DLGAP2: variants seen among roughly 807,000 people sequenced by gnomAD.
DLGAP2 encodes DLG associated protein 2, also known as disks large-associated protein 2.
In DLGAP2, 26 loss-of-function variants were observed where a neutral mutation model predicts 100.3. That is an observed-to-expected ratio of 0.26 (90% CI 0.19 to 0.36). The LOEUF (loss-of-function observed/expected upper bound fraction) is 0.36. Among genes scored for constraint, DLGAP2 ranks in the 10% least tolerant of loss-of-function variants. The probability of loss-of-function intolerance (pLI) is 1.00; values close to 1 mark genes in which losing one functional copy is unlikely to be tolerated. For synonymous variants in DLGAP2, 886 were observed against 630.1 expected (o/e 1.41, Z -6.08); for missense variants, 1,858 against 1,453.2 (o/e 1.28, Z -4.53).
intron 1 of DLGAP2, among the ~76,000 whole-genome samples, chr8:830,403 T>C (rs986771187): frequency 3.9e-5 from 6 of 152,200 alleles, no homozygotes; most frequent in Admixed American, 3.9e-4. Context: ...TTATTCATTC[T>C]TTCCATTTTT....
At chr8:1,381,584 T>C (rs921669174) in intron 3 of DLGAP2, among the ~76,000 whole-genome samples, 1 of 152,146 alleles carries the variant, frequency 6.6e-6, no homozygotes, top group Non-Finnish European at 1.5e-5. Flanking sequence ...CCCGTTCCGC[T>C]TTCCCTGGGC....
At chr8:1,272,491 A>C (rs1296766581) in intron 3 of DLGAP2, among the ~76,000 whole-genome samples, 1 of 152,144 alleles carries the variant, frequency 6.6e-6, no homozygotes, top group African/African-American at 2.4e-5. Context: ...ATTACACATA[A>C]ACGTTTTATA....
chr8:1,701,604 T>C lies in DLGAP2; in HGVS notation c.*198T>C. 3.6e-6 allele frequency: 2 copies of C among 555,848 alleles called. No homozygotes were observed. Among genetic ancestry groups the C allele is most frequent in the Non-Finnish European group, 6.2e-6 (2 of 323,136 alleles). 34.4% of individuals were successfully genotyped at this position (555,848 alleles called of 1,614,324 possible). On this transcript the variant is annotated 3_prime_UTR_variant, in exon 15 of 15. Coordinates refer to ENST00000637795, the MANE Select transcript of DLGAP2 (RefSeq NM_001346810.2). ...CTCGCGGCGAGGACGACTTCTGCTT[T>C]TGTTGTTGTTGTTGTTGTTCACGGG...
intron 1 of DLGAP2, among the ~76,000 whole-genome samples, chr8:843,495 T>C (rs1170355608): frequency 6.6e-6 from 1 of 152,108 alleles, no homozygotes. Flanking sequence ...TGGTGTGGAG[T>C]GGGCACCACG....
At position 1,337,178 on chromosome 8, in the gene DLGAP2, ATGG is replaced by A. The variant is rs1421309189; in HGVS notation, c.106+78304_106+78306del. 4.5e-3 allele frequency among the ~76,000 whole-genome samples: 649 copies of A among 145,736 alleles called. 2 individuals carry two copies. The highest frequency in any genetic ancestry group is 0.016 in the African/African-American group (603 of 36,736). ...GGTGATGATGGTGGTGATGATGATG[ATGG>A]TGGTGGTGAGAATGATGGTGATGAT... On this transcript the variant is annotated intron_variant, in intron 3 of 14. Coordinates refer to ENST00000637795, the MANE Select transcript of DLGAP2 (RefSeq NM_001346810.2).
chr8:1,006,897 T>A (rs905722572), intron 2 of DLGAP2, among the ~76,000 whole-genome samples: 2 of 146,138 alleles, frequency 1.4e-5, no homozygotes, highest in Middle Eastern at 3.4e-3. Context: ...GATGTGGTCC[T>A]TTATCACGTC....
intron 2 of DLGAP2, among the ~76,000 whole-genome samples, chr8:1,165,517 T>C (rs1173085957): frequency 2.0e-5 from 3 of 152,196 alleles, no homozygotes; most frequent in Non-Finnish European, 4.4e-5. Flanking sequence ...GCTCATCAGA[T>C]GGTGATTTGC....
chr8:1,655,977 C>T (rs544241459), intron 8 of DLGAP2, among the ~76,000 whole-genome samples: 2 of 152,184 alleles, frequency 1.3e-5, no homozygotes, highest in Non-Finnish European at 2.9e-5. Context: ...GGACACACAG[C>T]GTGTGCCGCA....
rs537106031 is a variant in DLGAP2, at chr8:1,437,306, C to A, written c.107-64060C>A. On this transcript the variant is annotated intron_variant, in intron 3 of 14. Coordinates refer to ENST00000637795, the MANE Select transcript of DLGAP2 (RefSeq NM_001346810.2). ...CCAGGCATGCAGGCGCGAAGCCATG[C>A]GGGTTTGTATCAGTGCGCTCCACAA... Among the ~76,000 whole-genome samples the A allele has an allele frequency of 2.6e-4, 40 of 152,376 alleles. 1 individual carries two copies. Among genetic ancestry groups the A allele is most frequent in the African/African-American group, 8.4e-4 (35 of 41,590 alleles).
chr8:1,351,962 G>C (rs1282936381), intron 3 of DLGAP2, among the ~76,000 whole-genome samples: 12 of 63,944 alleles, frequency 1.9e-4, no homozygotes, highest in Admixed American at 2.2e-4. Flanking sequence ...CGGGTCCTGA[G>C]TGTGTGTGGA....
intron 6 of DLGAP2, among the ~76,000 whole-genome samples, chr8:1,595,080 C>T (rs2130684899): frequency 6.6e-6 from 1 of 152,002 alleles, no homozygotes; most frequent in Non-Finnish European, 1.5e-5. Context: ...CTTGCTCTGT[C>T]ACCCAGGCTG....
At chr8:1,315,182 A>G (rs577075515) in intron 3 of DLGAP2, among the ~76,000 whole-genome samples, 2 of 152,284 alleles carry the variant, frequency 1.3e-5, no homozygotes, top group South Asian at 2.1e-4. Flanking sequence ...GATAATTCCC[A>G]ACACTCAAGA....
chr8:844,789 C>T (rs1797043955), intron 1 of DLGAP2, among the ~76,000 whole-genome samples: 1 of 152,168 alleles, frequency 6.6e-6, no homozygotes, highest in South Asian at 2.1e-4. Context: ...ATGGCTTTAG[C>T]ATCTCCCAAA....
chr8:962,670 G>C (rs934959134), intron 2 of DLGAP2, among the ~76,000 whole-genome samples: 1 of 152,076 alleles, frequency 6.6e-6, no homozygotes, highest in African/African-American at 2.4e-5. Flanking sequence ...TGGTATTCCC[G>C]GCAACAACGA....
At chr8:1,617,804 T>G (rs556230407) in intron 6 of DLGAP2, among the ~76,000 whole-genome samples, 1 of 152,282 alleles carries the variant, frequency 6.6e-6, no homozygotes, top group South Asian at 2.1e-4. Flanking sequence ...CAATACGAGC[T>G]AAAGCTCAAT....
chr8:1,069,003 C>G (rs1452749809), intron 2 of DLGAP2, among the ~76,000 whole-genome samples: 2 of 152,144 alleles, frequency 1.3e-5, no homozygotes, highest in Non-Finnish European at 2.9e-5. Flanking sequence ...AGGAATGTGC[C>G]TAATGGAAAC....
chr8:1,495,142 C>T (rs1025046559), intron 3 of DLGAP2, among the ~76,000 whole-genome samples: 22 of 152,192 alleles, frequency 1.4e-4, no homozygotes, highest in African/African-American at 4.6e-4. Flanking sequence ...CGGGGGCCAG[C>T]GTCAAGGTCA....
chr8:823,212 C>T (rs1241688137), intron 1 of DLGAP2, among the ~76,000 whole-genome samples: 1 of 152,098 alleles, frequency 6.6e-6, no homozygotes, highest in Non-Finnish European at 1.5e-5. Context: ...CTTCAGGCTG[C>T]CAGACCAAGT....
chr8:758,053 G>C (rs1036653215), intron 1 of DLGAP2, among the ~76,000 whole-genome samples: 4 of 152,130 alleles, frequency 2.6e-5, no homozygotes, highest in Non-Finnish European at 5.9e-5. Context: ...GTGAAATGGA[G>C]ATGATGGTAA....
Sources: allele counts gnomAD v4.1 joint callset (sites outside exome capture counted in the v4.1 genomes callset), GRCh38; gene constraint gnomAD v4.1.1; transcripts MANE v1.5; gene names NCBI Gene and HGNC (gene_info 2026-07-23, HGNC 2026-07-21).